The following NRAP variants were observed in gnomAD, a reference collection of about 807,000 sequenced individuals.
NRAP encodes the protein nebulin related anchoring protein.
NRAP carries 189 observed loss-of-function variants against 225.9 expected under a neutral mutation model. The ratio of observed to expected loss-of-function variants is 0.84; its 90% CI spans 0.74 to 0.94. The LOEUF is 0.94. NRAP is among the 40% of genes least tolerant of loss of function. NRAP has a pLI of 0.00. For missense variants in NRAP, 2,176 were observed against 2,168.7 expected (o/e 1.00, Z -0.07); for synonymous variants, 769 against 790.7 (o/e 0.97, Z 0.46).
intron 31 of NRAP, among the ~76,000 whole-genome samples, chr10:113,610,237 C>G (rs1592755952): frequency 6.6e-6 from 1 of 150,792 alleles, no homozygotes; most frequent in African/African-American, 2.4e-5. Context: ...GTAATCTCAG[C>G]TACCTAGGAG....
At chr10:113,640,408 A>G in intron 13 of NRAP, 77 bp from the exon 14 acceptor site, 1 of 767,762 alleles carries the variant, frequency 1.3e-6, no homozygotes, top group East Asian at 2.9e-5. Flanking sequence ...TGCCATAAGA[A>G]ATATTTTTTA....
intron 13 of NRAP, among the ~76,000 whole-genome samples, chr10:113,640,857 A>C (rs1387242186): frequency 1.3e-5 from 2 of 152,226 alleles, no homozygotes; most frequent in African/African-American, 2.4e-5. Context: ...AGATTAATAG[A>C]GTATATGCTA....
chr10:113,589,346 G>A, intron 41 of NRAP: 2 of 568,270 alleles, frequency 3.5e-6, no homozygotes, highest in Non-Finnish European at 6.2e-6. Flanking sequence ...GCGAGTCCCT[G>A]ACCCTTTCTG....
chr10:113,615,832 G>A lies in NRAP; in HGVS notation c.2974-16C>T, dbSNP rs1182551707. On this transcript the variant is annotated splice_polypyrimidine_tract_variant and intron_variant, in intron 26 of 41. Transcript: ENST00000359988. ...TGTATAATCTCTGTGGATGGAAGGA[G>A]GTTTTGCATGAAACCTAGACCCCAT... is the stretch of plus-strand genomic sequence containing the variant. 1 of 1,416,252 alleles carries A rather than the reference G, an allele frequency of 7.1e-7. No homozygotes were observed. Among genetic ancestry groups the A allele is most frequent in the Non-Finnish European group, 1.0e-6 (1 of 1,000,776 alleles). The allele number at this position is 1,416,252 out of a possible 1,614,324, so 87.7% of individuals were successfully genotyped here. A position where few individuals can be genotyped will look rare whatever the true frequency, so the allele number is the denominator to read the frequency against.
chr10:113,654,211 TA>T lies in NRAP; in HGVS notation c.361-87del, dbSNP rs1315971893. 1.1e-5 allele frequency: 8 copies of T among 761,582 alleles called. 1 individual carries two copies. The East Asian group carries it at 2.0e-4, about 19-fold the overall frequency. The allele number at this position is 761,582 out of a possible 1,614,324, so 47.2% of individuals were successfully genotyped here. ...ATACATTGTCAAAAGAAGATATTCT[TA>T]AACATTATAAACTCCTATTGGTAAA... is the stretch of plus-strand genomic sequence containing the variant. On this transcript the variant is annotated intron_variant, in intron 4 of 41. Coordinates refer to ENST00000359988, the MANE Select transcript of NRAP (RefSeq NM_198060.4).
chr10:113,650,581 G>T, intron 7 of NRAP, 36 bp from the exon 8 acceptor site: 7 of 1,356,216 alleles, frequency 5.2e-6, no homozygotes, highest in Non-Finnish European at 7.4e-6. Context: ...CATGCCCCAT[G>T]TTTATCAGAT....
intron 3 of NRAP, among the ~76,000 whole-genome samples, chr10:113,660,051 AACACAC>A (rs142938392): frequency 1.6e-3 from 238 of 144,430 alleles, no homozygotes; most frequent in East Asian, 3.1e-3. Flanking sequence ...CTCAGTAGAC[AACACAC>A]ACACACACAC....
Position 113,651,906 on chromosome 10 carries a change from A to T in NRAP, c.572T>A (p.Val191Glu). 6.3e-7 allele frequency: 1 copy of T among 1,599,316 alleles called. No homozygotes were observed. The change falls in exon 7 of 42, where the codon GTG becomes GAG. Residue 191 changes from valine to glutamate, a missense_variant and splice_region_variant. By Grantham distance (121) the Val-to-Glu change is moderately radical. Transcript: ENST00000359988. The stretch of plus-strand genomic sequence containing the variant: ...TTCATCATGCCCTCTCTTATACTCC[A>T]CCTGATGAGAAGACAGTAGAGTCAA... The part of the protein sequence containing the change: ...AKKANQLASQ[V>E]EYKRGHDERI...
chr10:113,595,342 C>T (rs1473714343), intron 38 of NRAP, among the ~76,000 whole-genome samples: 1 of 152,158 alleles, frequency 6.6e-6, no homozygotes, highest in Non-Finnish European at 1.5e-5. Flanking sequence ...TTACCCAGCA[C>T]ATCACTGAGA....
intron 18 of NRAP, among the ~76,000 whole-genome samples, chr10:113,631,161 CTTA>C (rs1848553089): frequency 6.6e-6 from 1 of 152,188 alleles, no homozygotes; most frequent in South Asian, 2.1e-4. Flanking sequence ...GAGGGAGAAA[CTTA>C]TTATGCGCTG....
rs1364010339 is a variant in NRAP at position 113,663,453 on chromosome 10, A to G, written c.73-7T>C. 3.9e-6 allele frequency: 6 copies of G among 1,547,616 alleles called. No individual in the cohort carries two copies. The highest frequency in any genetic ancestry group is 5.4e-6 in the Non-Finnish European group (6 of 1,119,690). On this transcript the variant is annotated splice_region_variant and splice_polypyrimidine_tract_variant and intron_variant, in intron 1 of 41. Coordinates refer to ENST00000359988, the MANE Select transcript of NRAP (RefSeq NM_198060.4). ...AACAGGCTTTATGCCATATCTAGAA[A>G]TCATATAGAGAAGATTTAGCAATTA...
chr10:113,620,516 C>G (rs1178325275), intron 25 of NRAP, 88 bp downstream of exon 25: 3 of 974,632 alleles, frequency 3.1e-6, no homozygotes, highest in African/African-American at 3.2e-5. Context: ...TTTTCTTTGC[C>G]TTTTGAGTGG....
intron 11 of NRAP, 77 bp from the exon 12 acceptor site, chr10:113,643,115 G>A: frequency 2.8e-6 from 2 of 719,600 alleles, no homozygotes; most frequent in South Asian, 1.7e-5. Context: ...GACTTGACTA[G>A]GATATTTTTA....
In NRAP at chr10:113,589,755, A is replaced by G. The variant is rs762169922; in HGVS notation, c.4999T>C (p.Trp1667Arg). 9 of 1,614,074 alleles carry G rather than the reference A, an allele frequency of 5.6e-6. No homozygotes were observed. The African/African-American group carries it at 9.3e-5, about 17-fold the overall frequency. ...ACTTTGTAGGAGCCAGGAGGGGTCC[A>G]GCCAACACCTCTGGTCAGGTTCAAG... ...SDLNLTRGVG[W>R]TPPGSYKVEM... Residue 1667 changes from tryptophan to arginine, a missense_variant, in exon 41 of 42, where the codon TGG becomes CGG. Trp to Arg is a moderately radical substitution (Grantham distance 101, BLOSUM62 -3). Transcript: ENST00000359988.
intron 9 of NRAP, among the ~76,000 whole-genome samples, chr10:113,648,471 A>G (rs55917169): frequency 1.8e-5 from 1 of 55,370 alleles, no homozygotes; most frequent in Non-Finnish European, 4.2e-5. Flanking sequence ...CTCTCTCTAT[A>G]TATATATATA....
rs2133993028 is a variant in NRAP, at chr10:113,623,602, G to C, written c.2384C>G (p.Ala795Gly). The C allele has an allele frequency of 1.2e-6, 2 of 1,613,964 alleles. No homozygotes were observed. Among genetic ancestry groups the C allele is most frequent in the Admixed American group, 1.7e-5 (1 of 60,014 alleles). ...ATCAAGACGCAGCTCAAACCCTTTT[G>C]CTTTCTGGTTTTCCCAGCTGCTCTT... Reference protein sequence around the residue: ...LYKSSWENQKAKGFELRLDSL... With the variant: ...LYKSSWENQKGKGFELRLDSL... Residue 795 changes from alanine (A) to glycine (G), a missense_variant, in exon 23 of 42, where the codon GCA becomes GGA. Coordinates refer to ENST00000359988, the MANE Select transcript of NRAP (RefSeq NM_198060.4).
chr10:113,629,016 C>T lies in NRAP; in HGVS notation c.2046G>A (p.Gln682=), dbSNP rs1352017445. 6.2e-7 allele frequency: 1 copy of T among 1,612,414 alleles called. No individual in the cohort carries two copies. The highest frequency in any genetic ancestry group is 2.2e-5 in the East Asian group (1 of 44,872). The change falls in exon 20 of 42, where the codon CAG becomes CAA. Residue 682 remains glutamine (Q), a synonymous_variant. Transcript: ENST00000359988. ...TCATCCATGCCAGGTCAGCCTTGTA[C>T]TGCAGCTACAAAAGAAAAACCACAA... ...KKAYGLQSEL[Q]YKADLAWMKG...
chr10:113,625,388 G>A (rs1848227264), intron 21 of NRAP, among the ~76,000 whole-genome samples: 1 of 152,132 alleles, frequency 6.6e-6, no homozygotes, highest in African/African-American at 2.4e-5. Context: ...GAGCATGCGT[G>A]GACATCTCCT....
intron 14 of NRAP, among the ~76,000 whole-genome samples, chr10:113,637,094 T>G (rs982811876): frequency 6.6e-6 from 1 of 151,818 alleles, no homozygotes; most frequent in Non-Finnish European, 1.5e-5. Context: ...ACTTGTATAC[T>G]CCATGTCTTC....
Sources: gnomAD v4.1 joint callset for allele counts (sites outside exome capture counted in the v4.1 genomes callset) on GRCh38, gnomAD v4.1.1 for gene constraint, MANE v1.5 for transcripts, NCBI Gene and HGNC (gene_info 2026-07-23, HGNC 2026-07-21) for gene names.